LRRC74A: variants seen among roughly 807,000 people sequenced by gnomAD.
LRRC74A encodes the protein leucine rich repeat containing 74A.
In LRRC74A, 44 loss-of-function variants were observed where a neutral mutation model predicts 57.9. That is an observed-to-expected ratio of 0.76 (90% CI 0.60 to 0.98). The LOEUF is 0.98. Ranked by LOEUF, LRRC74A falls within the 50% of genes least tolerant of loss-of-function variation. The pLI is 0.00. For synonymous variants in LRRC74A, 211 were observed against 219.4 expected (o/e 0.96, Z 0.34); for missense variants, 572 against 574.0 (o/e 1.00, Z 0.04).
intron 10 of LRRC74A, among the ~76,000 whole-genome samples, chr14:76,859,662 C>CTTTTTTTTTTTTTTTT (rs1025552496): frequency 7.4e-5 from 6 of 80,902 alleles, no homozygotes; most frequent in Non-Finnish European, 1.2e-4. Flanking sequence ...CTGAATTAGC[C>CTTTTTTTTTTTTTTTT]TTTTTTTTTT....
chr14:76,850,090 C>T (rs1324143013), intron 7 of LRRC74A, among the ~76,000 whole-genome samples: 2 of 151,870 alleles, frequency 1.3e-5, no homozygotes, highest in Non-Finnish European at 2.9e-5. Context: ...TGCCTGTAGC[C>T]CCAGCTACTC....
At chr14:76,866,899 G>A (rs1390867867) in intron 12 of LRRC74A, among the ~76,000 whole-genome samples, 2 of 142,108 alleles carry the variant, frequency 1.4e-5, no homozygotes, top group African/African-American at 5.3e-5. Context: ...GGTCCCAAGA[G>A]TGAGGCATTG....
intron 2 of LRRC74A, 170 bp downstream of exon 2, chr14:76,828,589 G>T: frequency 1.0e-6 from 1 of 961,060 alleles, no homozygotes. Flanking sequence ...CCTCCTCCGG[G>T]CTGGCAGGGG....
intron 4 of LRRC74A, 127 bp downstream of exon 4, chr14:76,836,441 C>A: frequency 1.6e-6 from 1 of 609,300 alleles, no homozygotes; most frequent in Non-Finnish European, 2.9e-6. Flanking sequence ...GCCCTTCCCA[C>A]ACGACTTCTT....
intron 9 of LRRC74A, among the ~76,000 whole-genome samples, chr14:76,855,755 T>C (rs1897832896): frequency 6.6e-6 from 1 of 152,200 alleles, no homozygotes; most frequent in South Asian, 2.1e-4. Context: ...GCAGCTGACA[T>C]ATACTAGGGG....
chr14:76,826,828 C>A, intron 1 of LRRC74A, 94 bp downstream of exon 1: 2 of 805,380 alleles, frequency 2.5e-6, no homozygotes, highest in South Asian at 2.9e-5. Flanking sequence ...CCACTTCTTT[C>A]CTCACCTGGG....
At position 76,828,348 on chromosome 14, in the gene LRRC74A, C is replaced by T. The variant is rs1374638303; in HGVS notation, c.95C>T (p.Ala32Val). The change falls in exon 2 of 14, where the codon GCC becomes GTC. Residue 32 changes from alanine (A) to valine (V), a missense_variant. By Grantham distance (64) the Ala-to-Val change is moderately conservative. Coordinates refer to ENST00000689127, the MANE Select transcript of LRRC74A (RefSeq NM_001385106.1). ...QSSDKMLYCE[A>V]ESPPTVEKVK... is the part of the protein sequence containing the mutation. The stretch of plus-strand genomic sequence containing the variant: ...AGCGATAAAATGCTCTACTGTGAGG[C>T]CGAATCCCCGCCGACTGTTGAAAAA... 1 of 1,613,612 alleles carries T rather than the reference C, an allele frequency of 6.2e-7. No homozygotes were observed. The highest frequency in any genetic ancestry group is 8.5e-7 in the Non-Finnish European group (1 of 1,179,568).
At chr14:76,832,782 A>G (rs1270145046) in intron 3 of LRRC74A, among the ~76,000 whole-genome samples, 1 of 151,976 alleles carries the variant, frequency 6.6e-6, no homozygotes, top group Non-Finnish European at 1.5e-5. Flanking sequence ...TTTCACCAGC[A>G]TCTCAGATGG....
chr14:76,840,994 A>T (rs1468022829), intron 5 of LRRC74A, among the ~76,000 whole-genome samples: 1 of 152,064 alleles, frequency 6.6e-6, no homozygotes, highest in Non-Finnish European at 1.5e-5. Context: ...ACAAAAAATG[A>T]TGATGTACTA....
intron 7 of LRRC74A, among the ~76,000 whole-genome samples, chr14:76,847,338 C>A (rs947805669): frequency 1.3e-5 from 2 of 152,144 alleles, no homozygotes; most frequent in East Asian, 3.9e-4. Context: ...GGTGCATATA[C>A]ACCACGGAAT....
chr14:76,853,676 G>A (rs909231), intron 9 of LRRC74A, among the ~76,000 whole-genome samples: 53,518 of 151,606 alleles, frequency 0.35, 9,658 homozygotes, highest in East Asian at 0.44. Context: ...GGTCTCCTTC[G>A]GGATCTTCTC....
At chr14:76,858,123 C>T (rs1318651511) in intron 10 of LRRC74A, among the ~76,000 whole-genome samples, 1 of 152,190 alleles carries the variant, frequency 6.6e-6, no homozygotes, top group African/African-American at 2.4e-5. Flanking sequence ...AGGTAGAATA[C>T]TGTATTAATT....
At chr14:76,828,554 A>G in intron 2 of LRRC74A, 135 bp downstream of exon 2, 1 of 1,381,674 alleles carries the variant, frequency 7.2e-7, no homozygotes, top group Non-Finnish European at 1.0e-6. Context: ...TGTGGCAGAA[A>G]GGCCTGCTCG....
intron 10 of LRRC74A, among the ~76,000 whole-genome samples, chr14:76,858,024 A>G (rs1669074513): frequency 6.6e-6 from 1 of 152,214 alleles, no homozygotes; most frequent in South Asian, 2.1e-4. Flanking sequence ...GCATCTGATG[A>G]TAGCCTATAC....
At chr14:76,848,678 CAT>C (rs1367649457) in intron 7 of LRRC74A, among the ~76,000 whole-genome samples, 1 of 152,162 alleles carries the variant, frequency 6.6e-6, no homozygotes, top group Non-Finnish European at 1.5e-5. Flanking sequence ...CCAAGGGAGA[CAT>C]AGAGTCCAAG....
rs1203981788 is a variant in LRRC74A at position 76,855,242 on chromosome 14, G to C, written c.957+1832G>C. On this transcript the variant is annotated intron_variant, in intron 9 of 13. Transcript: ENST00000689127. The stretch of plus-strand genomic sequence containing the variant: ...GTGACCAGGAGATCTGGGAGTCCCA[G>C]CTGGGGTGGAGCGGGGCCAGGCACA... Among the ~76,000 whole-genome samples the C allele has an allele frequency of 2.6e-5, 4 of 152,340 alleles. No homozygotes were observed. The East Asian group carries it at 5.8e-4, about 22-fold the overall frequency.
At chr14:76,836,519 G>T (rs1336629948) in intron 4 of LRRC74A, among the ~76,000 whole-genome samples, 1 of 152,202 alleles carries the variant, frequency 6.6e-6, no homozygotes, top group East Asian at 1.9e-4. Context: ...ACAATTTATG[G>T]CTGGGCGCGG....
At position 76,850,861 on chromosome 14, in the gene LRRC74A, A is replaced by AAAAAAAAAG. The variant is rs773711469; in HGVS notation, c.677-1501_677-1500insAAAAAGAAA. On this transcript the variant is annotated intron_variant, in intron 7 of 13. Transcript: ENST00000689127. ...CTCTGTCTCAAAAAAAAAAAAAAAAAAAAGAAAGAAAGAAAGAAAGAAAAG... is the reference window on the plus strand; with the variant it reads ...CTCTGTCTCAAAAAAAAAAAAAAAAAAAAAAAAAGAAAGAAAGAAAGAAAGAAAGAAAAG... Among the ~76,000 whole-genome samples, 175 of 96,408 alleles carry AAAAAAAAAG rather than the reference A, an allele frequency of 1.8e-3. 1 individual carries two copies. The highest frequency in any genetic ancestry group is 2.6e-3 in the Non-Finnish European group (124 of 47,740). The allele number at this position is 96,408 out of a possible 152,430, so 63.2% of individuals were successfully genotyped here.
intron 5 of LRRC74A, among the ~76,000 whole-genome samples, chr14:76,840,247 C>T (rs1450294517): frequency 6.6e-6 from 1 of 151,784 alleles, no homozygotes; most frequent in African/African-American, 2.4e-5. Flanking sequence ...AGGACTGGCC[C>T]CCCTGGGCAA....
Sources: allele counts gnomAD v4.1 joint callset (sites outside exome capture counted in the v4.1 genomes callset), GRCh38; gene constraint gnomAD v4.1.1; transcripts MANE v1.5; gene names NCBI Gene and HGNC (gene_info 2026-07-23, HGNC 2026-07-21).